GNAO1: variants seen among roughly 807,000 people sequenced by gnomAD.
GNAO1 encodes G protein subunit alpha o1, also known as guanine nucleotide-binding protein G(o) subunit alpha.
For missense variants in GNAO1, 166 were observed against 478.7 expected, an observed-to-expected ratio of 0.35 and a Z score of 6.10; for synonymous variants, 164 against 180.7, an observed-to-expected ratio of 0.91 and a Z score of 0.74.
intron 2 of GNAO1, among the ~76,000 whole-genome samples, chr16:56,234,627 TC>T (rs1490786557): frequency 6.6e-6 from 1 of 152,212 alleles, no homozygotes; most frequent in Non-Finnish European, 1.5e-5. Flanking sequence ...TTTTCCCCTG[TC>T]CCTGGGTGGT....
In GNAO1 at chr16:56,326,481, AAGG is replaced by A; in HGVS notation, c.304-2147_304-2145del. Reference sequence around the variant, plus strand: ...TCTGAGAAAAGGATTTGGGTGAGACAAGGAGTTTATTTGGGAGGTCATTTCAGG... The same window carrying A: ...TCTGAGAAAAGGATTTGGGTGAGACAAGTTTATTTGGGAGGTCATTTCAGG... On this transcript the variant is annotated intron_variant, in intron 3 of 8. Coordinates refer to ENST00000262493, the MANE Select transcript of GNAO1 (RefSeq NM_020988.3). This position sits in a 1 kb window ranked among gnomAD's most constrained non-coding sequence, Gnocchi z 4.8. Among the ~76,000 whole-genome samples, 1 of 152,340 alleles carries A rather than the reference AAGG, an allele frequency of 6.6e-6. No homozygotes were observed. The highest frequency in any genetic ancestry group is 2.1e-4 in the South Asian group (1 of 4,828).
In GNAO1 at chr16:56,192,726, GCA is replaced by G. The variant is rs60037687; in HGVS notation, c.161+134_161+135del. On this transcript the variant is annotated intron_variant, in intron 2 of 8. Transcript: ENST00000262493. ...TCTCCAGGCCTGTTTTTTAATTCGT[GCA>G]CACACACACACACACACACACACCC... The G allele has an allele frequency of 0.057, 31,173 of 549,052 alleles. 427 individuals are homozygous for G. The highest frequency in any genetic ancestry group is 0.12 in the African/African-American group (6,012 of 51,718). 34.0% of individuals were successfully genotyped at this position (549,052 alleles called of 1,614,324 possible).
chr16:56,287,249 T>G (rs1264397899), intron 3 of GNAO1, among the ~76,000 whole-genome samples: 1 of 152,280 alleles, frequency 6.6e-6, no homozygotes, highest in East Asian at 1.9e-4. Flanking sequence ...TCAGGTCCCT[T>G]GGAGCCTGCC....
At chr16:56,216,932 T>G (rs1406567707) in intron 2 of GNAO1, among the ~76,000 whole-genome samples, 1 of 152,190 alleles carries the variant, frequency 6.6e-6, no homozygotes, top group African/African-American at 2.4e-5. Flanking sequence ...ACCCACAGGA[T>G]TGTAGTAAGG....
intron 3 of GNAO1, among the ~76,000 whole-genome samples, chr16:56,300,005 GTT>G: frequency 7.9e-6 from 1 of 126,212 alleles, no homozygotes; most frequent in African/African-American, 2.9e-5. Flanking sequence ...GCAGATTGGG[GTT>G]CGTGTGTGTG....
intron 6 of GNAO1, chr16:56,346,305 G>A: frequency 1.0e-6 from 1 of 985,420 alleles, no homozygotes; most frequent in Non-Finnish European, 1.2e-6. Flanking sequence ...GATGTGGGAG[G>A]AATGTTGCGA....
chr16:56,243,987 A>G (rs1174089300), intron 2 of GNAO1, among the ~76,000 whole-genome samples: 1 of 152,186 alleles, frequency 6.6e-6, no homozygotes, highest in African/African-American at 2.4e-5. Context: ...ATCTCCTTCT[A>G]GTGCATAAGG....
intron 6 of GNAO1, chr16:56,341,096 A>G: frequency 2.3e-6 from 2 of 867,624 alleles, no homozygotes; most frequent in Non-Finnish European, 3.6e-6. Context: ...GCCACAGAGA[A>G]TCCACACAAA....
In GNAO1 at chr16:56,354,945, A is replaced by G; in HGVS notation, c.957A>G (p.Ile319Met). 1 of 1,613,184 alleles carries G rather than the reference A, an allele frequency of 6.2e-7. No individual in the cohort carries two copies. Among genetic ancestry groups the G allele is most frequent in the Non-Finnish European group, 8.5e-7 (1 of 1,179,220 alleles). ...ESKNRSPNKE[I>M]YCHMTCATDT... ...AAAACCGCTCACCCAACAAAGAAAT[A>G]TATTGTCACATGACTTGTGCCACAG... Residue 319 changes from isoleucine (I) to methionine (M), a missense_variant, in exon 8 of 9, where the codon ATA becomes ATG. Physicochemically the swap from Ile to Met is conservative, Grantham distance 10 (BLOSUM62 1). Transcript: ENST00000262493. This position sits in a 1 kb window ranked among gnomAD's most constrained non-coding sequence, Gnocchi z 4.3.
At chr16:56,252,709 A>G (rs1245393752) in intron 2 of GNAO1, among the ~76,000 whole-genome samples, 4 of 152,178 alleles carry the variant, frequency 2.6e-5, no homozygotes, top group African/African-American at 9.7e-5. Flanking sequence ...ATCACAGCTC[A>G]TCCACACCCC....
chr16:56,236,213 A>G (rs1053904086), intron 2 of GNAO1, among the ~76,000 whole-genome samples: 1 of 152,244 alleles, frequency 6.6e-6, no homozygotes, highest in Non-Finnish European at 1.5e-5. Context: ...GGTGTGGGCA[A>G]TTCTGGCTGA....
intron 3 of GNAO1, among the ~76,000 whole-genome samples, chr16:56,323,801 AGAG>A (rs1596864933): frequency 6.6e-6 from 1 of 152,170 alleles, no homozygotes; most frequent in Non-Finnish European, 1.5e-5. Flanking sequence ...AGCAGGCTGA[AGAG>A]GAGAAGGACC....
intron 2 of GNAO1, among the ~76,000 whole-genome samples, chr16:56,198,478 T>C (rs1484618145): frequency 1.3e-5 from 2 of 152,178 alleles, no homozygotes; most frequent in East Asian, 1.9e-4. Context: ...TTCTCTAAAA[T>C]TGAGAGTTGG....
chr16:56,201,963 G>A (rs182449003), intron 2 of GNAO1, among the ~76,000 whole-genome samples: 4 of 152,282 alleles, frequency 2.6e-5, no homozygotes, highest in Admixed American at 2.6e-4. Flanking sequence ...GCTTTTGAGT[G>A]GCGAGAGCCA....
At chr16:56,347,040 AC>A in intron 6 of GNAO1, 1 of 985,154 alleles carries the variant, frequency 1.0e-6, no homozygotes. Context: ...CTTCCTGGCC[AC>A]CCCCTTTATT....
chr16:56,328,080 G>C (rs964491386), intron 3 of GNAO1, among the ~76,000 whole-genome samples: 12 of 152,196 alleles, frequency 7.9e-5, no homozygotes, highest in Admixed American at 3.3e-4. Flanking sequence ...CAGCCCCGCT[G>C]TGGCCCATCC....
chr16:56,213,169 A>C (rs1289313884), intron 2 of GNAO1: 5 of 396,034 alleles, frequency 1.3e-5, no homozygotes, highest in Non-Finnish European at 2.2e-5. Flanking sequence ...GTCTGTTTTC[A>C]GATATGTGTA....
intron 2 of GNAO1, among the ~76,000 whole-genome samples, chr16:56,223,792 CT>C (rs2036511627): frequency 6.6e-6 from 1 of 152,218 alleles, no homozygotes; most frequent in Non-Finnish European, 1.5e-5. Flanking sequence ...AGATTTAAGA[CT>C]TTGAGTAACT....
chr16:56,303,133 T>A (rs1191365554), intron 3 of GNAO1, among the ~76,000 whole-genome samples: 1 of 152,200 alleles, frequency 6.6e-6, no homozygotes, highest in African/African-American at 2.4e-5. Context: ...TGAGCAGCTT[T>A]TGACTGCTCG....
Sources: allele counts gnomAD v4.1 joint callset (sites outside exome capture counted in the v4.1 genomes callset), GRCh38; gene constraint gnomAD v4.1.1; non-coding constraint Gnocchi (gnomAD v3.1); transcripts MANE v1.5; gene names NCBI Gene and HGNC (gene_info 2026-07-23, HGNC 2026-07-21).